The following EZH2 variants were observed in gnomAD, a reference collection of about 807,000 sequenced individuals.
EZH2 encodes the protein histone-lysine N-methyltransferase EZH2.
In EZH2, 18 loss-of-function variants were observed where a neutral mutation model predicts 98.4. That is an observed-to-expected ratio of 0.18 (90% confidence interval 0.13 to 0.27). The LOEUF (loss-of-function observed/expected upper bound fraction) is 0.27, where lower values mean the gene tolerates loss of function less well. Ranked by LOEUF, EZH2 falls within the 10% of genes least tolerant of loss-of-function variation. The probability of loss-of-function intolerance (pLI) is 1.00; values close to 1 mark genes in which losing one functional copy is unlikely to be tolerated. For synonymous variants in EZH2, 338 were observed against 312.3 expected, an observed-to-expected ratio of 1.08 and a Z score of -0.87; for missense variants, 470 against 935.1, an observed-to-expected ratio of 0.50 and a Z score of 6.49.
At chr7:148,847,593 T>C (rs1392074099) in intron 1 of EZH2, among the ~76,000 whole-genome samples, 1 of 152,246 alleles carries the variant, frequency 6.6e-6, no homozygotes, top group African/African-American at 2.4e-5. Flanking sequence ...TACTATACTA[T>C]ATCACAACCT....
At chr7:148,881,598 A>C (rs1355950877) in intron 1 of EZH2, among the ~76,000 whole-genome samples, 1 of 152,200 alleles carries the variant, frequency 6.6e-6, no homozygotes, top group Non-Finnish European at 1.5e-5. Flanking sequence ...AGTACAAAGA[A>C]TAGTAATTAT....
chr7:148,807,813 TTAAAAAAAAAAAAAAAAAAAAAACCCA>T, intron 19 of EZH2, 107 bp from the exon 20 acceptor site: 1 of 438,960 alleles, frequency 2.3e-6, no homozygotes, highest in Non-Finnish European at 3.7e-6. Context: ...TAAAATGTCT[TTAAAAAAAAAAAAAAAAAAAAAACCCA>T]TCCAATTACA....
intron 1 of EZH2, among the ~76,000 whole-genome samples, chr7:148,869,489 G>T (rs1819014602): frequency 6.6e-6 from 1 of 152,042 alleles, no homozygotes. Flanking sequence ...GGGACTACAG[G>T]CAAATGCCAC....
Position 148,827,200 on chromosome 7 carries a change from A to C in EZH2, c.692T>G (p.Phe231Cys). ...DKIFEAISSM[F>C]PDKGTAEELK... ...TTCTTCTGCTGTGCCCTTATCTGGAAACATTGAGGAAATGGCTTCAAAAAT... is the reference window on the plus strand; with the variant it reads ...TTCTTCTGCTGTGCCCTTATCTGGACACATTGAGGAAATGGCTTCAAAAAT... Residue 231 changes from phenylalanine (F) to cysteine (C), a missense_variant, in exon 7 of 20, where the codon TTT (phenylalanine) becomes TGT (cysteine). Physicochemically the swap from Phe to Cys is radical, Grantham distance 205 (BLOSUM62 -2). Transcript: ENST00000320356. 1 of 1,613,796 alleles carries C rather than the reference A, an allele frequency of 6.2e-7. No individual in the cohort carries two copies. The highest frequency in any genetic ancestry group is 8.5e-7 in the Non-Finnish European group (1 of 1,179,886).
intron 4 of EZH2, 68 bp from the exon 5 acceptor site, chr7:148,829,916 C>A (rs997510061): frequency 8.1e-7 from 1 of 1,240,380 alleles, no homozygotes; most frequent in South Asian, 1.4e-5. Context: ...AACTAAAATA[C>A]AACCTTTTTT....
At chr7:148,881,960 A>C (rs1821033487) in intron 1 of EZH2, among the ~76,000 whole-genome samples, 1 of 69,102 alleles carries the variant, frequency 1.4e-5, no homozygotes, top group Admixed American at 1.7e-4. Context: ...ATACACACAC[A>C]CACACGCGCG....
chr7:148,865,499 C>G (rs1383756395), intron 1 of EZH2, among the ~76,000 whole-genome samples: 4 of 152,192 alleles, frequency 2.6e-5, no homozygotes, highest in Non-Finnish European at 5.9e-5. Flanking sequence ...CTGGACAAGT[C>G]TCTCAGACTG....
At chr7:148,837,315 T>G (rs1392228253) in intron 3 of EZH2, among the ~76,000 whole-genome samples, 1 of 152,202 alleles carries the variant, frequency 6.6e-6, no homozygotes, top group Non-Finnish European at 1.5e-5. Flanking sequence ...GTTGACATTG[T>G]CTAACATCCT....
intron 1 of EZH2, among the ~76,000 whole-genome samples, chr7:148,857,479 A>T (rs1238329846): frequency 6.6e-6 from 1 of 152,210 alleles, no homozygotes; most frequent in Non-Finnish European, 1.5e-5. Context: ...GGCCAGGTGC[A>T]GTGGCTCATG....
At chr7:148,830,891 A>G (rs899042784) in intron 4 of EZH2, among the ~76,000 whole-genome samples, 4 of 152,254 alleles carry the variant, frequency 2.6e-5, no homozygotes, top group African/African-American at 9.6e-5. Flanking sequence ...ATGTTTAAAG[A>G]GACTAATTCC....
intron 1 of EZH2, among the ~76,000 whole-genome samples, chr7:148,861,518 C>T (rs574455306): frequency 2.9e-3 from 445 of 152,252 alleles, no homozygotes; most frequent in Non-Finnish European, 4.6e-3. Context: ...TGAGCCACAG[C>T]GCCCGCCCTG....
chr7:148,873,557 A>ATTTTTTTTTTTT (rs58553084), intron 1 of EZH2, among the ~76,000 whole-genome samples: 6 of 79,938 alleles, frequency 7.5e-5, no homozygotes, highest in African/African-American at 2.5e-4. Context: ...CATGCTCTTC[A>ATTTTTTTTTTTT]TTTTTTTTTT....
chr7:148,829,102 T>C (rs1808571581), intron 5 of EZH2, among the ~76,000 whole-genome samples: 1 of 152,188 alleles, frequency 6.6e-6, no homozygotes, highest in South Asian at 2.1e-4. Flanking sequence ...GAATGGCCCC[T>C]CCCCAAAACT....
chr7:148,810,053 G>T (rs1395229807), intron 17 of EZH2: 2 of 318,608 alleles, frequency 6.3e-6, no homozygotes, highest in African/African-American at 2.0e-5. Flanking sequence ...GGTGAGGTGA[G>T]CAGCAAGAGC....
intron 1 of EZH2, among the ~76,000 whole-genome samples, chr7:148,864,124 G>A (rs960005063): frequency 2.6e-5 from 4 of 152,180 alleles, no homozygotes; most frequent in Admixed American, 6.5e-5. Context: ...TAACTTGACC[G>A]TTGCAGCAAA....
intron 1 of EZH2, among the ~76,000 whole-genome samples, chr7:148,855,834 G>C (rs1816729573): frequency 7.0e-6 from 1 of 142,136 alleles, no homozygotes; most frequent in South Asian, 2.3e-4. Context: ...GGAGGCGGAG[G>C]TTGCAGTGAG....
At chr7:148,870,333 A>G (rs1819168394) in intron 1 of EZH2, among the ~76,000 whole-genome samples, 1 of 152,242 alleles carries the variant, frequency 6.6e-6, no homozygotes, top group African/African-American at 2.4e-5. Flanking sequence ...TAATTTTAAT[A>G]TAACACGTTT....
intron 1 of EZH2, among the ~76,000 whole-genome samples, chr7:148,877,869 C>T (rs1820392685): frequency 6.6e-6 from 1 of 152,052 alleles, no homozygotes; most frequent in Non-Finnish European, 1.5e-5. Context: ...CTTTAATCAC[C>T]CAGAAAGCCA....
chr7:148,883,793 G>A (rs1436779450), intron 1 of EZH2, among the ~76,000 whole-genome samples: 4 of 151,636 alleles, frequency 2.6e-5, no homozygotes, highest in African/African-American at 4.8e-5. Flanking sequence ...ACACAAAGGA[G>A]ACTTGAGGCT....
Sources: gnomAD v4.1 joint callset for allele counts (sites outside exome capture counted in the v4.1 genomes callset) on GRCh38, gnomAD v4.1.1 for gene constraint, MANE v1.5 for transcripts, NCBI Gene and HGNC (gene_info 2026-07-23, HGNC 2026-07-21) for gene names.